QKI: variants seen among roughly 807,000 people sequenced by gnomAD.
QKI encodes QKI, KH domain containing RNA binding, also known as KH domain-containing RNA-binding protein QKI.
In QKI, 10 loss-of-function variants were observed where a neutral mutation model predicts 39.0. That is an observed-to-expected ratio of 0.26 (90% CI 0.16 to 0.43). The LOEUF is 0.43. Among genes scored for constraint, QKI ranks in the 20% least tolerant of loss-of-function variants. The probability of loss-of-function intolerance (pLI) is 1.00; values close to 1 mark genes in which losing one functional copy is unlikely to be tolerated. For missense variants in QKI, 218 were observed against 428.0 expected, an observed-to-expected ratio of 0.51 and a Z score of 4.33; for synonymous variants, 204 against 155.4, an observed-to-expected ratio of 1.31 and a Z score of -2.33.
chr6:163,439,670 T>C (rs1789612706), intron 1 of QKI, among the ~76,000 whole-genome samples: 1 of 147,436 alleles, frequency 6.8e-6, no homozygotes, highest in Non-Finnish European at 1.5e-5. Flanking sequence ...TTTTTTTTTT[T>C]TTTGAAACAG....
chr6:163,477,997 A>G (rs1406053404), intron 2 of QKI, among the ~76,000 whole-genome samples: 1 of 152,236 alleles, frequency 6.6e-6, no homozygotes, highest in Non-Finnish European at 1.5e-5. Context: ...GCAAACTCTT[A>G]TATTTTGGCC....
intron 3 of QKI, among the ~76,000 whole-genome samples, chr6:163,485,100 G>T (rs1341626705): frequency 6.6e-6 from 1 of 152,140 alleles, no homozygotes; most frequent in African/African-American, 2.4e-5. Flanking sequence ...TCATTCCTTT[G>T]ATTTTTCAGG....
rs78044758 is a variant in QKI at position 163,503,307 on chromosome 6, T to C, written c.402+24411T>C. Among the ~76,000 whole-genome samples, 286 of 152,168 alleles carry C rather than the reference T, an allele frequency of 1.9e-3. 1 individual carries two copies. The highest frequency in any genetic ancestry group is 3.6e-3 in the Non-Finnish European group (248 of 67,972). On this transcript the variant is annotated intron_variant, in intron 3 of 7. Coordinates refer to ENST00000361752, the MANE Select transcript of QKI (RefSeq NM_006775.3). The stretch of plus-strand genomic sequence containing the variant: ...GCTAATTTTTGTATATAGTGAAAGA[T>C]GTGGGTCTAATTTCATTCTTCTGCA...
chr6:163,473,071 A>G (rs920585892), intron 2 of QKI, among the ~76,000 whole-genome samples: 2 of 152,316 alleles, frequency 1.3e-5, no homozygotes, highest in Middle Eastern at 3.4e-3. Flanking sequence ...TCAGCTAGCT[A>G]TCTCTACATT....
chr6:163,525,566 C>T (rs1238897645), intron 3 of QKI, among the ~76,000 whole-genome samples: 6 of 152,130 alleles, frequency 3.9e-5, no homozygotes, highest in Non-Finnish European at 7.4e-5. Flanking sequence ...GCCGTGTCGG[C>T]CAGGCTGGTC....
intron 4 of QKI, among the ~76,000 whole-genome samples, chr6:163,559,772 CAA>C (rs1232395547): frequency 6.6e-6 from 1 of 152,066 alleles, no homozygotes; most frequent in African/African-American, 2.4e-5. Context: ...ATTGTAATGC[CAA>C]AAACAGAATT....
intron 3 of QKI, among the ~76,000 whole-genome samples, chr6:163,487,302 T>G (rs1267815654): frequency 6.6e-6 from 1 of 152,162 alleles, no homozygotes; most frequent in Non-Finnish European, 1.5e-5. Context: ...AAGAGGGAAC[T>G]CTCTCATTCC....
At position 163,574,186 on chromosome 6, in the gene QKI, T is replaced by G. The variant is rs181023668; in HGVS notation, c.*3476T>G. 12 of 152,318 alleles carry G rather than the reference T, an allele frequency of 7.9e-5. No individual in the cohort carries two copies. In the East Asian group the frequency reaches 2.1e-3, roughly 27 times the overall value. 9.4% of individuals were successfully genotyped at this position (152,318 alleles called of 1,614,324 possible). On this transcript the variant is annotated 3_prime_UTR_variant, in exon 8 of 8. Transcript: ENST00000361752. Reference sequence around the variant, plus strand: ...CACAGCATCGAGTAAAAAGATACATTGTCATGGTATATACCTGGAGAAACC... The same window carrying G: ...CACAGCATCGAGTAAAAAGATACATGGTCATGGTATATACCTGGAGAAACC...
rs992463795 is a variant in QKI at position 163,572,673 on chromosome 6, C to CCT, written c.*1964_*1965insTC. 4 of 66,914 alleles carry CCT rather than the reference C, an allele frequency of 6.0e-5. 1 individual carries two copies. The highest frequency in any genetic ancestry group is 2.4e-4 in the African/African-American group (4 of 16,926). 4.1% of individuals were successfully genotyped at this position (66,914 alleles called of 1,614,324 possible). On this transcript the variant is annotated 3_prime_UTR_variant, in exon 8 of 8. Coordinates refer to ENST00000361752, the MANE Select transcript of QKI (RefSeq NM_006775.3). The stretch of plus-strand genomic sequence containing the variant: ...GGCAAATCTCAAGTGACAGTGGACC[C>CCT]CCCCCCCCGCCCAGCTTATCAACTC...
At chr6:163,533,694 G>C (rs1185405354) in intron 3 of QKI, among the ~76,000 whole-genome samples, 1 of 152,152 alleles carries the variant, frequency 6.6e-6, no homozygotes, top group Non-Finnish European at 1.5e-5. Flanking sequence ...CACAGTGTCG[G>C]ACAGATGGTA....
intron 3 of QKI, among the ~76,000 whole-genome samples, chr6:163,517,163 C>T: frequency 6.6e-6 from 1 of 151,818 alleles, no homozygotes; most frequent in East Asian, 1.9e-4. Flanking sequence ...TAAGTTCATG[C>T]TGACTAGTCT....
At chr6:163,470,898 A>G (rs1253462359) in intron 2 of QKI, among the ~76,000 whole-genome samples, 1 of 152,084 alleles carries the variant, frequency 6.6e-6, no homozygotes, top group Non-Finnish European at 1.5e-5. Context: ...TAGTGAGAAA[A>G]TTTAATATAT....
intron 1 of QKI, among the ~76,000 whole-genome samples, chr6:163,419,444 G>T (rs1314616023): frequency 1.3e-5 from 2 of 152,208 alleles, no homozygotes; most frequent in African/African-American, 4.8e-5. Flanking sequence ...ACTGTTGTCA[G>T]TAATCATCAT....
chr6:163,539,344 G>A (rs1356810573), intron 4 of QKI, among the ~76,000 whole-genome samples: 2 of 152,156 alleles, frequency 1.3e-5, no homozygotes, highest in African/African-American at 4.8e-5. Context: ...GGTTAAAAGT[G>A]TCACTGGCAT....
chr6:163,532,028 G>A (rs1221938132), intron 3 of QKI, among the ~76,000 whole-genome samples: 4 of 152,124 alleles, frequency 2.6e-5, no homozygotes, highest in African/African-American at 9.7e-5. Context: ...GTAAGAGTAC[G>A]CATTGGCCAA....
intron 3 of QKI, among the ~76,000 whole-genome samples, chr6:163,520,883 T>C (rs1780112159): frequency 6.6e-6 from 1 of 152,206 alleles, no homozygotes; most frequent in Non-Finnish European, 1.5e-5. Context: ...ATAGTTCTCT[T>C]GTTAGCCAAA....
intron 3 of QKI, among the ~76,000 whole-genome samples, chr6:163,493,726 G>C (rs1778214803): frequency 6.6e-6 from 1 of 152,158 alleles, no homozygotes; most frequent in African/African-American, 2.4e-5. Flanking sequence ...TGTAGAATTG[G>C]TTGGTTGAAA....
At chr6:163,454,877 A>C (rs754265366) in intron 1 of QKI, among the ~76,000 whole-genome samples, 2 of 152,178 alleles carry the variant, frequency 1.3e-5, no homozygotes, top group Admixed American at 6.5e-5. Context: ...ATTAGTTCTG[A>C]AGTACAAAAG....
At chr6:163,489,793 A>G (rs527419356) in intron 3 of QKI, among the ~76,000 whole-genome samples, 2 of 152,190 alleles carry the variant, frequency 1.3e-5, no homozygotes, top group Non-Finnish European at 2.9e-5. Flanking sequence ...GAGAACCATT[A>G]TAGTTACACA....
Sources: allele counts gnomAD v4.1 joint callset (sites outside exome capture counted in the v4.1 genomes callset), GRCh38; gene constraint gnomAD v4.1.1; transcripts MANE v1.5; gene names NCBI Gene and HGNC (gene_info 2026-07-23, HGNC 2026-07-21).